PTPN9: variants seen among roughly 807,000 people sequenced by gnomAD.
PTPN9 encodes protein tyrosine phosphatase non-receptor type 9.
A neutral mutation model predicts 69.8 loss-of-function variants in PTPN9; 26 were observed. The observed-to-expected ratio is 0.37, with a 90% CI of 0.27 to 0.52. The LOEUF is 0.52. PTPN9 is among the 20% of genes least tolerant of loss of function. PTPN9 has a pLI of 0.91. For missense variants in PTPN9, 549 were observed against 740.3 expected, an observed-to-expected ratio of 0.74 and a Z score of 3.00; for synonymous variants, 274 against 272.5, an observed-to-expected ratio of 1.01 and a Z score of -0.05.
chr15:75,483,352 T>C (rs991445127), intron 8 of PTPN9, among the ~76,000 whole-genome samples: 2 of 152,190 alleles, frequency 1.3e-5, no homozygotes, highest in African/African-American at 4.8e-5. Flanking sequence ...AAGTGGTATA[T>C]CCATACAATG....
At chr15:75,503,898 G>C (rs2074793924) in intron 7 of PTPN9, among the ~76,000 whole-genome samples, 1 of 125,126 alleles carries the variant, frequency 8.0e-6, no homozygotes, top group Non-Finnish European at 1.7e-5. Context: ...CCGTCCGGGA[G>C]GGAGGTGGGG....
chr15:75,513,821 G>A (rs2074855042), intron 5 of PTPN9, among the ~76,000 whole-genome samples: 1 of 151,920 alleles, frequency 6.6e-6, no homozygotes, highest in African/African-American at 2.4e-5. Context: ...AAAAAGGGCT[G>A]GGCACGGTGG....
intron 1 of PTPN9, among the ~76,000 whole-genome samples, chr15:75,548,843 C>T (rs934952894): frequency 6.6e-6 from 1 of 151,346 alleles, no homozygotes; most frequent in African/African-American, 2.4e-5. Flanking sequence ...TTAATAGAGA[C>T]GGGGTTTCAC....
At chr15:75,492,460 A>G (rs1297090039) in intron 7 of PTPN9, among the ~76,000 whole-genome samples, 1 of 152,192 alleles carries the variant, frequency 6.6e-6, no homozygotes, top group Non-Finnish European at 1.5e-5. Context: ...CAAGGTGAGG[A>G]ACAGAGCTAA....
intron 1 of PTPN9, among the ~76,000 whole-genome samples, chr15:75,544,599 A>G (rs2075023792): frequency 6.6e-6 from 1 of 152,134 alleles, no homozygotes. Context: ...TCCACCAACA[A>G]GAGCAACATC....
rs770767796 is a variant in PTPN9, at chr15:75,505,789, G to C, written c.854C>G (p.Ala285Gly). 6.2e-7 allele frequency: 1 copy of C among 1,613,956 alleles called. No individual in the cohort carries two copies. The highest frequency in any genetic ancestry group is 8.5e-7 in the Non-Finnish European group (1 of 1,179,950). ...WDSVHVPGPH[A>G]MTIQELVDYV... ...GTCCACCAACTCTTGGATGGTCATA[G>C]CATGGGGACCTGGAACATGTACTGA... The change falls in exon 7 of 13, where the codon GCT becomes GGT. Residue 285 changes from alanine to glycine, a missense_variant. Physicochemically the swap from Ala to Gly is moderately conservative, Grantham distance 60. Transcript: ENST00000618819.
At chr15:75,514,169 CTTT>C (rs923109510) in intron 5 of PTPN9, among the ~76,000 whole-genome samples, 1 of 141,868 alleles carries the variant, frequency 7.0e-6, no homozygotes, top group African/African-American at 2.6e-5. Flanking sequence ...TACAATTCCT[CTTT>C]TTTTTTTTTT....
chr15:75,493,359 T>C (rs775941469), intron 7 of PTPN9, among the ~76,000 whole-genome samples: 14 of 152,138 alleles, frequency 9.2e-5, no homozygotes, highest in Non-Finnish European at 1.6e-4. Context: ...AGAAAAGCTC[T>C]TGGAAATTAA....
chr15:75,472,812 G>C (rs1458869849), intron 10 of PTPN9, among the ~76,000 whole-genome samples: 1 of 151,986 alleles, frequency 6.6e-6, no homozygotes, highest in East Asian at 1.9e-4. Flanking sequence ...GCCAGGCGTG[G>C]TGGCACATGC....
At chr15:75,565,970 A>G (rs1243377727) in intron 1 of PTPN9, among the ~76,000 whole-genome samples, 1 of 152,246 alleles carries the variant, frequency 6.6e-6, no homozygotes, top group Non-Finnish European at 1.5e-5. Flanking sequence ...TTTTATTTCA[A>G]TGCTACAAAG....
At chr15:75,551,183 C>G (rs980124263) in intron 1 of PTPN9, among the ~76,000 whole-genome samples, 3 of 152,182 alleles carry the variant, frequency 2.0e-5, no homozygotes, top group Non-Finnish European at 1.5e-5. Flanking sequence ...GATCCTCCTG[C>G]CTCAGGCTCC....
At chr15:75,539,018 AAAAGAAAG>A (rs140854456) in intron 1 of PTPN9, among the ~76,000 whole-genome samples, 15 of 152,038 alleles carry the variant, frequency 9.9e-5, no homozygotes, top group South Asian at 2.1e-4. Context: ...AAAAAAATAA[AAAAGAAAG>A]AAAGAAAGAA....
At chr15:75,569,753 T>C (rs904355102) in intron 1 of PTPN9, among the ~76,000 whole-genome samples, 9 of 151,250 alleles carry the variant, frequency 6.0e-5, no homozygotes, top group African/African-American at 2.2e-4. Context: ...TCATAAGTAC[T>C]AGGTTGGGTT....
chr15:75,485,429 C>G (rs897415498), intron 8 of PTPN9, among the ~76,000 whole-genome samples: 1 of 130,144 alleles, frequency 7.7e-6, no homozygotes, highest in Non-Finnish European at 1.5e-5. Context: ...ACTGCAGTGG[C>G]GCAATCTCGG....
chr15:75,559,247 C>G (rs1354957940), intron 1 of PTPN9, among the ~76,000 whole-genome samples: 6 of 152,154 alleles, frequency 3.9e-5, no homozygotes, highest in Non-Finnish European at 5.9e-5. Flanking sequence ...CCCCTCTGCC[C>G]GGCCACCACC....
intron 8 of PTPN9, among the ~76,000 whole-genome samples, chr15:75,481,310 C>A (rs1401176378): frequency 1.4e-5 from 1 of 71,038 alleles, no homozygotes. Flanking sequence ...AGCGTCTCCG[C>A]CGGGCAGCCA....
At chr15:75,515,138 A>G (rs1211202603) in intron 5 of PTPN9, among the ~76,000 whole-genome samples, 1 of 152,172 alleles carries the variant, frequency 6.6e-6, no homozygotes, top group East Asian at 1.9e-4. Context: ...AATAAAAAAA[A>G]GAAATCGGGC....
intron 1 of PTPN9, among the ~76,000 whole-genome samples, chr15:75,529,066 A>G (rs2141323246): frequency 6.6e-6 from 1 of 151,758 alleles, no homozygotes; most frequent in Admixed American, 6.6e-5. Context: ...GGCTCACTGC[A>G]ACCTCTGCCT....
intron 10 of PTPN9, among the ~76,000 whole-genome samples, chr15:75,471,899 C>T (rs997334293): frequency 1.4e-4 from 21 of 151,730 alleles, no homozygotes; most frequent in African/African-American, 4.1e-4. Context: ...GCTGAGATCG[C>T]ACCACTTAAC....
Sources: allele counts gnomAD v4.1 joint callset (sites outside exome capture counted in the v4.1 genomes callset), GRCh38; gene constraint gnomAD v4.1.1; transcripts MANE v1.5; gene names NCBI Gene and HGNC (gene_info 2026-07-23, HGNC 2026-07-21).